The following EP400 variants were observed in gnomAD, a reference collection of about 807,000 sequenced individuals.
EP400 encodes E1A-binding protein p400.
EP400 carries 105 observed loss-of-function variants against 354.1 expected under a neutral mutation model. The ratio of observed to expected loss-of-function variants is 0.30; its 90% CI spans 0.25 to 0.35. The LOEUF is 0.35. Among genes scored for constraint, EP400 ranks in the 10% least tolerant of loss-of-function variants. The probability of loss-of-function intolerance (pLI) is 1.00; values close to 1 mark genes in which losing one functional copy is unlikely to be tolerated. For synonymous variants in EP400, 1,646 were observed against 1,716.9 expected (o/e 0.96, Z 1.02); for missense variants, 3,280 against 4,121.0 (o/e 0.80, Z 5.59).
intron 45 of EP400, among the ~76,000 whole-genome samples, chr12:132,061,001 T>G (rs1378438075): frequency 6.6e-6 from 1 of 150,654 alleles, no homozygotes; most frequent in Non-Finnish European, 1.5e-5. Flanking sequence ...CTTCACTGAA[T>G]GATATGCTTT....
Position 132,053,488 on chromosome 12 carries a change from C to T in EP400, c.7619C>T (p.Pro2540Leu). Residue 2540 changes from proline to leucine, a missense_variant, in exon 43 of 53, where the codon CCA becomes CTA. Coordinates refer to ENST00000389561, the MANE Select transcript of EP400 (RefSeq NM_015409.5). Reference sequence around the variant, plus strand: ...GGCAGCCAGCCGCCAGCAGGGCCACCAGCTGTCCAGCCCCAACCCCAGCCA... The same window carrying T: ...GGCAGCCAGCCGCCAGCAGGGCCACTAGCTGTCCAGCCCCAACCCCAGCCA... Reference protein sequence around the residue: ...AAGSQPPAGPPAVQPQPQPQP... With the variant: ...AAGSQPPAGPLAVQPQPQPQP... The T allele has an allele frequency of 3.3e-6, 5 of 1,536,262 alleles. No individual in the cohort carries two copies. Among genetic ancestry groups the T allele is most frequent in the Non-Finnish European group, 4.4e-6 (5 of 1,147,122 alleles).
chr12:132,009,346 A>T (rs1427671594), intron 15 of EP400, among the ~76,000 whole-genome samples: 5 of 152,198 alleles, frequency 3.3e-5, no homozygotes, highest in African/African-American at 1.2e-4. Flanking sequence ...CACAGACCCC[A>T]GGCACTTTTC....
chr12:132,062,893 T>C lies in EP400; in HGVS notation c.8334+192T>C, dbSNP rs116960688. Reference sequence around the variant, plus strand: ...CATGTCATAACACTTTGATCATGCCTTAGAGAAGTCTTACAGCTTATTCAG... The same window carrying C: ...CATGTCATAACACTTTGATCATGCCCTAGAGAAGTCTTACAGCTTATTCAG... On this transcript the variant is annotated intron_variant, in intron 47 of 52. Transcript: ENST00000389561. 6.5e-3 allele frequency among the ~76,000 whole-genome samples: 995 copies of C among 152,330 alleles called. 24 individuals carry two copies. In the South Asian group the frequency reaches 0.074, roughly 11 times the overall value.
chr12:132,030,335 C>T (rs1265542279), intron 29 of EP400, among the ~76,000 whole-genome samples, 177 bp downstream of exon 29: 1 of 152,192 alleles, frequency 6.6e-6, no homozygotes, highest in Non-Finnish European at 1.5e-5. Flanking sequence ...TTAAAAGCCA[C>T]GTTGTTAGGT....
chr12:132,053,032 T>A (rs2136591062), intron 41 of EP400, 114 bp from the exon 42 acceptor site: 3 of 1,116,650 alleles, frequency 2.7e-6, no homozygotes, highest in South Asian at 2.6e-5. Context: ...TACGCCCTCA[T>A]CTCTTGGGCT....
intron 2 of EP400, among the ~76,000 whole-genome samples, chr12:131,973,298 A>T (rs1365042464): frequency 1.3e-5 from 2 of 152,188 alleles, no homozygotes; most frequent in East Asian, 3.8e-4. Flanking sequence ...TGCCCACCGT[A>T]TACTCACTTT....
At chr12:132,045,044 C>T in intron 37 of EP400, 91 bp downstream of exon 37, 1 of 1,522,534 alleles carries the variant, frequency 6.6e-7, no homozygotes, top group Non-Finnish European at 8.8e-7. Flanking sequence ...TGCCTGTCTG[C>T]TGTCTGCCTG....
At chr12:132,011,070 A>G (rs1212113428) in intron 15 of EP400, among the ~76,000 whole-genome samples, 2 of 152,252 alleles carry the variant, frequency 1.3e-5, no homozygotes, top group Non-Finnish European at 2.9e-5. Context: ...AACAAAACAC[A>G]GTTTAGACGC....
In EP400 at chr12:131,973,478, C is replaced by T. The variant is rs765702414; in HGVS notation, c.1336-6216C>T. On this transcript the variant is annotated intron_variant, in intron 2 of 52. Transcript: ENST00000389561. ...CCAACATGGCAAAACCCCATCTCTA[C>T]CAAAAATACCAAAAATTTGCCGGGT... 5.5e-4 allele frequency among the ~76,000 whole-genome samples: 83 copies of T among 152,256 alleles called. 1 individual carries two copies. The highest frequency in any genetic ancestry group is 9.7e-4 in the Non-Finnish European group (66 of 68,024).
At chr12:132,020,965 C>T (rs984202815) in intron 22 of EP400, 114 bp from the exon 23 acceptor site, 14 of 1,367,588 alleles carry the variant, frequency 1.0e-5, no homozygotes, top group Middle Eastern at 2.4e-4. Flanking sequence ...GGGGACTTCT[C>T]ATTTGAGAGA....
intron 2 of EP400, among the ~76,000 whole-genome samples, chr12:131,963,844 T>C (rs1382030151): frequency 6.6e-6 from 1 of 152,230 alleles, no homozygotes; most frequent in Non-Finnish European, 1.5e-5. Flanking sequence ...CTTAGTGCAT[T>C]ACTTTCTTTC....
intron 2 of EP400, among the ~76,000 whole-genome samples, chr12:131,964,017 G>T (rs1028860126): frequency 1.3e-5 from 2 of 152,132 alleles, no homozygotes; most frequent in Non-Finnish European, 2.9e-5. Context: ...AAAGATTCAA[G>T]TAGATGATAA....
At position 131,960,619 on chromosome 12, in the gene EP400, C is replaced by T. The variant is rs1156471650; in HGVS notation, c.-1C>T. 7 of 1,584,836 alleles carry T rather than the reference C, an allele frequency of 4.4e-6. No homozygotes were observed. The highest frequency in any genetic ancestry group is 4.5e-5 in the East Asian group (2 of 44,024). On this transcript the variant is annotated 5_prime_UTR_variant, in exon 2 of 53. Transcript: ENST00000389561. ...ACATTGGATACAGAAGGGAGGTGATCATGCACCATGGCACTGGCCCCCAGA... is the reference window on the plus strand; with the variant it reads ...ACATTGGATACAGAAGGGAGGTGATTATGCACCATGGCACTGGCCCCCAGA...
chr12:131,957,505 G>A (rs1188189061), intron 1 of EP400, among the ~76,000 whole-genome samples: 2 of 144,608 alleles, frequency 1.4e-5, no homozygotes, highest in African/African-American at 2.5e-5. Flanking sequence ...CAGAAGGAAC[G>A]TTTTGATTTT....
chr12:131,999,204 G>T (rs1003688626), intron 12 of EP400, among the ~76,000 whole-genome samples: 1 of 151,972 alleles, frequency 6.6e-6, no homozygotes. Context: ...GCTCTCCGTG[G>T]TGTTTTTCTC....
At chr12:131,969,338 G>T (rs1892211329) in intron 2 of EP400, among the ~76,000 whole-genome samples, 3 of 152,150 alleles carry the variant, frequency 2.0e-5, no homozygotes, top group Admixed American at 1.3e-4. Context: ...GATCTTCAGT[G>T]TTAACAGTTT....
rs576356681 is a variant in EP400, at chr12:132,046,672, G to A, written c.7200+772G>A. On this transcript the variant is annotated intron_variant, in intron 39 of 52. Coordinates refer to ENST00000389561, the MANE Select transcript of EP400 (RefSeq NM_015409.5). Reference sequence around the variant, plus strand: ...GCTGGTCAGTAACATACAGGCATGCGTGTGGCATGCCTTCCCTCGAGCTGA... The same window carrying A: ...GCTGGTCAGTAACATACAGGCATGCATGTGGCATGCCTTCCCTCGAGCTGA... Among the ~76,000 whole-genome samples, 14 of 152,276 alleles carry A rather than the reference G, an allele frequency of 9.2e-5. No individual in the cohort carries two copies. The East Asian group carries it at 2.5e-3, about 27-fold the overall frequency.
At position 132,077,439 on chromosome 12, in the gene EP400, G is replaced by A. The variant is rs147367120; in HGVS notation, c.9138G>A (p.Ala3046=). 6.5e-4 allele frequency: 1,047 copies of A among 1,612,870 alleles called. 15 individuals are homozygous for A. In the East Asian group the frequency reaches 0.017, roughly 25 times the overall value. ...CTGTGGCGCTCACGCAGGCGACGGC[G>A]GCCGGGCAGCAGGTGCAGATGATCC... The part of the protein sequence containing the change: ...PQTVALTQAT[A]AGQQVQMIPA... The change falls in exon 53 of 53, where the codon GCG becomes GCA. Residue 3046 remains alanine (A), a synonymous_variant. Transcript: ENST00000389561.
In EP400 at chr12:131,967,247, A is replaced by G. The variant is rs1287247570; in HGVS notation, c.1335+5293A>G. The stretch of plus-strand genomic sequence containing the variant: ...AATGCAAAAATCAGCTGGGCGTGGT[A>G]GTGGGCGCCTGTAATCCCAACTACT... On this transcript the variant is annotated intron_variant, in intron 2 of 52. Coordinates refer to ENST00000389561, the MANE Select transcript of EP400 (RefSeq NM_015409.5). Among the ~76,000 whole-genome samples, 5 of 150,286 alleles carry G rather than the reference A, an allele frequency of 3.3e-5. No homozygotes were observed. The East Asian group carries it at 1.0e-3, about 30-fold the overall frequency.
Sources: gnomAD v4.1 joint callset for allele counts (sites outside exome capture counted in the v4.1 genomes callset) on GRCh38, gnomAD v4.1.1 for gene constraint, MANE v1.5 for transcripts, NCBI Gene and HGNC (gene_info 2026-07-23, HGNC 2026-07-21) for gene names.